FIBCD1: variants seen among roughly 807,000 people sequenced by gnomAD.
FIBCD1 encodes fibrinogen C domain containing 1.
FIBCD1 carries 47 observed loss-of-function variants against 45.1 expected under a neutral mutation model. That is an observed-to-expected ratio of 1.04 (90% CI 0.82 to 1.33). The LOEUF (loss-of-function observed/expected upper bound fraction) is 1.33. FIBCD1 is among the 40% of genes most tolerant of loss of function. The probability of loss-of-function intolerance (pLI) is 0.00; values close to 1 mark genes in which losing one functional copy is unlikely to be tolerated. For missense variants in FIBCD1, 653 were observed against 682.2 expected (o/e 0.96, Z 0.48); for synonymous variants, 313 against 308.1 (o/e 1.02, Z -0.17).
chr9:130,934,325 T>C (rs562975229), intron 1 of FIBCD1, among the ~76,000 whole-genome samples: 2 of 152,130 alleles, frequency 1.3e-5, no homozygotes, highest in South Asian at 2.1e-4. Flanking sequence ...CATTCTGGGG[T>C]CCCAAAGACT....
intron 1 of FIBCD1, chr9:130,930,632 G>C (rs940388864): frequency 2.4e-6 from 1 of 414,588 alleles, no homozygotes; most frequent in South Asian, 1.7e-5. Flanking sequence ...TCACCTGTGT[G>C]TGTGGCCGTG....
intron 2 of FIBCD1, among the ~76,000 whole-genome samples, chr9:130,927,913 G>C (rs1487814841): frequency 6.6e-6 from 1 of 152,186 alleles, no homozygotes; most frequent in African/African-American, 2.4e-5. Flanking sequence ...TGCCCGCCTC[G>C]GCTTCCCAAA....
Position 130,922,292 on chromosome 9 carries a change from G to C in FIBCD1, c.849+1452C>G, listed in dbSNP as rs1832275069. ...GGCCCACCCCCGGGCCTGGTCTGGGGTCTCTGTTCCTGGCTAAGCAGGCCT... is the reference window on the plus strand; with the variant it reads ...GGCCCACCCCCGGGCCTGGTCTGGGCTCTCTGTTCCTGGCTAAGCAGGCCT... On this transcript the variant is annotated intron_variant, in intron 4 of 6. Coordinates refer to ENST00000372338, the MANE Select transcript of FIBCD1 (RefSeq NM_032843.5). The surrounding 1 kb of genome is among the most constrained non-coding windows in gnomAD (Gnocchi z 4.5). 6.6e-6 allele frequency among the ~76,000 whole-genome samples: 1 copy of C among 152,136 alleles called. No individual in the cohort carries two copies. Among genetic ancestry groups the C allele is most frequent in the South Asian group, 2.1e-4 (1 of 4,822 alleles).
intron 4 of FIBCD1, among the ~76,000 whole-genome samples, chr9:130,912,813 C>A (rs969894473): frequency 9.7e-6 from 1 of 103,192 alleles, no homozygotes; most frequent in African/African-American, 6.4e-5. Flanking sequence ...AAAGGGGGGG[C>A]AGAGTCTTAA....
rs1832003596 is a variant in FIBCD1 at position 130,909,848 on chromosome 9, C to T, written c.946+1944G>A. On this transcript the variant is annotated intron_variant, in intron 5 of 6. Transcript: ENST00000372338. Reference sequence around the variant, plus strand: ...TAGGTAATGATATTGACAGAACCTTCTGAGCTCCTACTTTGTGCCAGGCAG... The same window carrying T: ...TAGGTAATGATATTGACAGAACCTTTTGAGCTCCTACTTTGTGCCAGGCAG... Among the ~76,000 whole-genome samples the T allele has an allele frequency of 3.3e-5, 5 of 152,320 alleles. No individual in the cohort carries two copies. The South Asian group carries it at 1.0e-3, about 32-fold the overall frequency.
Position 130,911,908 on chromosome 9 carries a change from A to G in FIBCD1, c.850-20T>C, listed in dbSNP as rs1390075169. ...AAACACCTGCAAAGGGAAGATGGGG[A>G]TGGGGCGTTGGCACCGACCATCCCA... On this transcript the variant is annotated intron_variant, in intron 4 of 6. Transcript: ENST00000372338. The G allele has an allele frequency of 6.4e-7, 1 of 1,556,320 alleles. No homozygotes were observed. The highest frequency in any genetic ancestry group is 8.7e-7 in the Non-Finnish European group (1 of 1,150,824).
At chr9:130,916,898 G>C (rs2133090284) in intron 4 of FIBCD1, among the ~76,000 whole-genome samples, 1 of 152,368 alleles carries the variant, frequency 6.6e-6, no homozygotes, top group East Asian at 1.9e-4. Context: ...AGGAGTTCGA[G>C]ACCAGTCTGG....
chr9:130,930,935 C>T (rs1402021397), intron 1 of FIBCD1: 3 of 421,498 alleles, frequency 7.1e-6, no homozygotes, highest in Admixed American at 2.4e-5. Flanking sequence ...GCACCCATCA[C>T]GGAAGGTCCC....
At chr9:130,905,461 C>A (rs757511669) in intron 5 of FIBCD1, 48 bp from the exon 6 acceptor site, 1 of 1,559,388 alleles carries the variant, frequency 6.4e-7, no homozygotes, top group South Asian at 1.2e-5. Context: ...GCGTAGGAAG[C>A]GACTCCCCAG....
intron 4 of FIBCD1, among the ~76,000 whole-genome samples, chr9:130,921,503 G>C (rs546724194): frequency 6.6e-6 from 1 of 152,356 alleles, no homozygotes; most frequent in African/African-American, 2.4e-5. Flanking sequence ...CCGGAACCGG[G>C]TGTCTGAGCG....
intron 4 of FIBCD1, among the ~76,000 whole-genome samples, chr9:130,917,463 T>C (rs997085331): frequency 6.8e-6 from 1 of 147,600 alleles, no homozygotes; most frequent in Non-Finnish European, 1.5e-5. Flanking sequence ...GAGGAAGGAG[T>C]GACAGCTCTG....
At position 130,916,223 on chromosome 9, in the gene FIBCD1, C is replaced by T. The variant is rs555365478; in HGVS notation, c.850-4335G>A. Among the ~76,000 whole-genome samples, 14 of 152,354 alleles carry T rather than the reference C, an allele frequency of 9.2e-5. No homozygotes were observed. In the East Asian group the frequency reaches 2.5e-3, roughly 27 times the overall value. ...GGATTATAGGCGTGAGCCACCGCGC[C>T]CAGCCTTAGTGCACTGATATTTTCT... On this transcript the variant is annotated intron_variant, in intron 4 of 6. Transcript: ENST00000372338.
In FIBCD1 at chr9:130,902,989, C is replaced by G. The variant is rs1831861665; in HGVS notation, c.*1075G>C. The G allele has an allele frequency of 6.6e-6, 1 of 152,324 alleles. No individual in the cohort carries two copies. Among genetic ancestry groups the G allele is most frequent in the South Asian group, 2.1e-4 (1 of 4,828 alleles). The allele number at this position is 152,324 out of a possible 1,614,324, so 9.4% of individuals were successfully genotyped here. A position where few individuals can be genotyped will look rare whatever the true frequency, so the allele number is the denominator to read the frequency against. On this transcript the variant is annotated 3_prime_UTR_variant, in exon 7 of 7. Transcript: ENST00000372338. ...AGGTGGTCCCTGTCCCTTGACCACT[C>G]GCCGGGCCGGGCCTGGCCTGGGTCC...
At chr9:130,934,579 G>A (rs1292344312) in intron 1 of FIBCD1, among the ~76,000 whole-genome samples, 2 of 152,152 alleles carry the variant, frequency 1.3e-5, no homozygotes, top group East Asian at 1.9e-4. Flanking sequence ...TCTGAACCAC[G>A]GAGGGGGCTT....
intron 1 of FIBCD1, 36 bp downstream of exon 1, chr9:130,938,500 G>C: frequency 7.5e-6 from 11 of 1,463,736 alleles, no homozygotes; most frequent in Non-Finnish European, 9.9e-6. Flanking sequence ...CGCCTGGCCA[G>C]CCGCCCAGGC....
chr9:130,914,389 G>A (rs1010023749), intron 4 of FIBCD1, among the ~76,000 whole-genome samples: 2 of 152,250 alleles, frequency 1.3e-5, no homozygotes, highest in African/African-American at 4.8e-5. Context: ...GTGCTCAGGG[G>A]ACCCCAACCG....
chr9:130,905,466 C>T, intron 5 of FIBCD1, 53 bp from the exon 6 acceptor site: 1 of 1,535,622 alleles, frequency 6.5e-7, no homozygotes, highest in Admixed American at 1.9e-5. Flanking sequence ...GGAAGCGACT[C>T]CCCAGGGAGA....
rs1340184810 is a variant in FIBCD1 at position 130,921,476 on chromosome 9, CCT to C, written c.849+2266_849+2267del. 5.3e-5 allele frequency among the ~76,000 whole-genome samples: 8 copies of C among 152,318 alleles called. No homozygotes were observed. In the East Asian group the frequency reaches 1.5e-3, roughly 29 times the overall value. ...GCAAGCACTTCTCAGATGAGAATGGCCTCTCTCCCAGGGCCCCCGGAACCGGG... is the reference window on the plus strand; with the variant it reads ...GCAAGCACTTCTCAGATGAGAATGGCCTCTCCCAGGGCCCCCGGAACCGGG... On this transcript the variant is annotated intron_variant, in intron 4 of 6. Coordinates refer to ENST00000372338, the MANE Select transcript of FIBCD1 (RefSeq NM_032843.5).
Position 130,902,741 on chromosome 9 carries a change from G to C in FIBCD1, c.*1323C>G, listed in dbSNP as rs1401495877. ...AAGCCGCCCTGCATCTGGGCCTGACGTAACGCACGCGGGTCCAGGGCTGCT... is the reference window on the plus strand; with the variant it reads ...AAGCCGCCCTGCATCTGGGCCTGACCTAACGCACGCGGGTCCAGGGCTGCT... On this transcript the variant is annotated 3_prime_UTR_variant, in exon 7 of 7. Coordinates refer to ENST00000372338, the MANE Select transcript of FIBCD1 (RefSeq NM_032843.5). 6.6e-6 allele frequency: 1 copy of C among 152,280 alleles called. No homozygotes were observed. The highest frequency in any genetic ancestry group is 6.5e-5 in the Admixed American group (1 of 15,286). 9.4% of individuals were successfully genotyped at this position (152,280 alleles called of 1,614,324 possible).
Sources: gnomAD v4.1 joint callset for allele counts (sites outside exome capture counted in the v4.1 genomes callset) on GRCh38, gnomAD v4.1.1 for gene constraint, Gnocchi (gnomAD v3.1) non-coding constraint, MANE v1.5 for transcripts, NCBI Gene and HGNC (gene_info 2026-07-23, HGNC 2026-07-21) for gene names.